PPP6R3: variants seen among roughly 807,000 people sequenced by gnomAD.
PPP6R3 encodes the protein serine/threonine-protein phosphatase 6 regulatory subunit 3.
Under a neutral mutation model 110.7 loss-of-function variants are expected in PPP6R3, and 38 were observed. That is an observed-to-expected ratio of 0.34 (90% CI 0.26 to 0.45). The LOEUF (loss-of-function observed/expected upper bound fraction) is 0.45, where lower values mean the gene tolerates loss of function less well. PPP6R3 is among the 20% of genes least tolerant of loss of function. PPP6R3 has a pLI of 1.00. For missense variants in PPP6R3, 870 were observed against 1,062.4 expected (o/e 0.82, Z 2.52); for synonymous variants, 369 against 373.5 (o/e 0.99, Z 0.14).
rs2099495320 is a variant in PPP6R3 at position 68,569,741 on chromosome 11, T to G, written c.1129-7T>G. On this transcript the variant is annotated splice_polypyrimidine_tract_variant and splice_region_variant and intron_variant, in intron 10 of 23. Transcript: ENST00000393800. ...ACCGAATAAAACATGGTTTTTCTTT[T>G]TTGTAGAACATGTTCTTCAAGTATA... The G allele has an allele frequency of 1.9e-6, 3 of 1,566,352 alleles. No homozygotes were observed. The South Asian group carries it at 3.5e-5, about 18-fold the overall frequency.
At chr11:68,536,295 G>A (rs1165283097) in intron 2 of PPP6R3, among the ~76,000 whole-genome samples, 2 of 150,830 alleles carry the variant, frequency 1.3e-5, no homozygotes, top group Admixed American at 1.3e-4. Flanking sequence ...TTTGTTTTTT[G>A]TTTTTTTGTG....
chr11:68,500,180 G>T (rs535649290), intron 1 of PPP6R3, among the ~76,000 whole-genome samples: 1 of 152,236 alleles, frequency 6.6e-6, no homozygotes, highest in African/African-American at 2.4e-5. Context: ...ACATTTGCTT[G>T]ATATTATTCA....
chr11:68,564,067 A>G (rs1313731470), intron 8 of PPP6R3, among the ~76,000 whole-genome samples: 1 of 152,178 alleles, frequency 6.6e-6, no homozygotes, highest in East Asian at 1.9e-4. Flanking sequence ...TAGAATGGGA[A>G]GAAATCACAT....
At chr11:68,466,982 C>T (rs563931818) in intron 1 of PPP6R3, among the ~76,000 whole-genome samples, 7 of 149,112 alleles carry the variant, frequency 4.7e-5, no homozygotes, top group Non-Finnish European at 7.5e-5. Context: ...TCTTAGTGAG[C>T]CGCCCGCCTT....
chr11:68,603,296 C>T lies in PPP6R3; in HGVS notation c.2300-46C>T. ...TTTGTACAGTGGTGGGGTGCCAGTT[C>T]CTTTTCGGGCTTGCTGTGTGTGACC... On this transcript the variant is annotated intron_variant, in intron 21 of 23. Transcript: ENST00000393800. 4 of 1,606,060 alleles carry T rather than the reference C, an allele frequency of 2.5e-6. No individual in the cohort carries two copies. In the Admixed American group the frequency reaches 5.0e-5, roughly 20 times the overall value.
At chr11:68,485,989 G>A (rs2098944482) in intron 1 of PPP6R3, among the ~76,000 whole-genome samples, 1 of 149,696 alleles carries the variant, frequency 6.7e-6, no homozygotes, top group South Asian at 2.1e-4. Flanking sequence ...GAGTGACACA[G>A]TGAAACCACT....
rs2099503194 is a variant in PPP6R3, at chr11:68,571,036, TCAG to T, written c.1279-2_1279del. On this transcript the variant is annotated splice_acceptor_variant and splice_polypyrimidine_tract_variant and intron_variant, in intron 11 of 23. Coordinates refer to ENST00000393800, the MANE Select transcript of PPP6R3 (RefSeq NM_001164161.2). LOFTEE classifies it high-confidence loss of function. ...AACTGGAATATTCTTTTTTTTTTTT[TCAG>T]CTTTTCCAAAAATGTCAATTAATAG... is the stretch of plus-strand genomic sequence containing the variant. 5.7e-6 allele frequency: 9 copies of T among 1,592,560 alleles called. No homozygotes were observed. Among genetic ancestry groups the T allele is most frequent in the Admixed American group, 5.4e-5 (3 of 55,110 alleles).
intron 1 of PPP6R3, among the ~76,000 whole-genome samples, chr11:68,497,110 G>A (rs1198908822): frequency 2.1e-5 from 3 of 141,248 alleles, no homozygotes; most frequent in African/African-American, 7.9e-5. Context: ...GCAGTGGTGC[G>A]ATCTCGGCTC....
At chr11:68,568,560 T>C (rs2099488688) in intron 10 of PPP6R3, among the ~76,000 whole-genome samples, 1 of 152,174 alleles carries the variant, frequency 6.6e-6, no homozygotes, top group Admixed American at 6.5e-5. Context: ...TTGAAAACCC[T>C]TGTACTTCCA....
At chr11:68,526,582 A>G (rs1227280116) in intron 2 of PPP6R3, among the ~76,000 whole-genome samples, 1 of 152,014 alleles carries the variant, frequency 6.6e-6, no homozygotes, top group Non-Finnish European at 1.5e-5. Context: ...ACCTCTATTC[A>G]CACACCCTCA....
At chr11:68,483,816 T>C (rs1208188098) in intron 1 of PPP6R3, among the ~76,000 whole-genome samples, 1 of 152,216 alleles carries the variant, frequency 6.6e-6, no homozygotes, top group Non-Finnish European at 1.5e-5. Flanking sequence ...TATAAGGACA[T>C]GTAGCCACCA....
intron 15 of PPP6R3, among the ~76,000 whole-genome samples, chr11:68,585,310 C>G (rs1056635513): frequency 1.3e-5 from 2 of 152,218 alleles, no homozygotes; most frequent in African/African-American, 2.4e-5. Context: ...ACTGACTCAT[C>G]ATTTCCCACT....
intron 1 of PPP6R3, among the ~76,000 whole-genome samples, chr11:68,492,906 G>A (rs1213603517): frequency 2.0e-5 from 3 of 152,110 alleles, no homozygotes; most frequent in Admixed American, 2.0e-4. Flanking sequence ...ATATTTTCCT[G>A]GTTTTCTTCC....
chr11:68,572,373 C>G (rs992222940), intron 12 of PPP6R3, among the ~76,000 whole-genome samples: 2 of 152,152 alleles, frequency 1.3e-5, no homozygotes, highest in Non-Finnish European at 2.9e-5. Context: ...AAAGAACTTT[C>G]CTTGTTTCCT....
intron 1 of PPP6R3, among the ~76,000 whole-genome samples, chr11:68,511,494 GT>G: frequency 7.6e-6 from 1 of 131,894 alleles, no homozygotes; most frequent in East Asian, 2.4e-4. Flanking sequence ...GTGTGTGTGT[GT>G]TTTGAGTTGG....
At chr11:68,509,707 G>C (rs1474610756) in intron 1 of PPP6R3, among the ~76,000 whole-genome samples, 1 of 149,340 alleles carries the variant, frequency 6.7e-6, no homozygotes, top group Non-Finnish European at 1.5e-5. Flanking sequence ...CGCCCCTTGA[G>C]TAGCTGGGAC....
intron 22 of PPP6R3, chr11:68,609,657 T>C: frequency 2.6e-6 from 4 of 1,556,688 alleles, no homozygotes; most frequent in Non-Finnish European, 3.5e-6. Flanking sequence ...GACCGTTCTT[T>C]ATCAGACGCC....
At chr11:68,514,440 G>A (rs2099125974) in intron 1 of PPP6R3, among the ~76,000 whole-genome samples, 1 of 151,834 alleles carries the variant, frequency 6.6e-6, no homozygotes, top group Non-Finnish European at 1.5e-5. Flanking sequence ...GCTCATGACT[G>A]TTAGTCTACC....
intron 1 of PPP6R3, among the ~76,000 whole-genome samples, chr11:68,515,975 A>G (rs1001335947): frequency 1.1e-4 from 16 of 152,202 alleles, no homozygotes; most frequent in African/African-American, 3.6e-4. Context: ...ACATTGTGCA[A>G]TCAGCACCGT....
Sources: gnomAD v4.1 joint callset for allele counts (sites outside exome capture counted in the v4.1 genomes callset) on GRCh38, gnomAD v4.1.1 for gene constraint, MANE v1.5 for transcripts, NCBI Gene and HGNC (gene_info 2026-07-23, HGNC 2026-07-21) for gene names.